SMARCA2: variants seen among roughly 807,000 people sequenced by gnomAD.
The protein encoded by SMARCA2 is SWI/SNF-related matrix-associated actin-dependent regulator of chromatin subfamily A member 2.
In SMARCA2, 61 loss-of-function variants were observed where a neutral mutation model predicts 199.8. The ratio of observed to expected loss-of-function variants is 0.31; its 90% CI spans 0.25 to 0.38. SMARCA2 has a LOEUF of 0.38. Ranked by LOEUF, SMARCA2 falls within the 10% of genes least tolerant of loss-of-function variation. The pLI, the probability that SMARCA2 is intolerant of heterozygous loss-of-function variation, is 1.00. For synonymous variants in SMARCA2, 935 were observed against 732.0 expected (o/e 1.28, Z -4.48); for missense variants, 1,344 against 2,012.2 (o/e 0.67, Z 6.35).
intron 5 of SMARCA2, among the ~76,000 whole-genome samples, chr9:2,054,354 T>A (rs1820254988): frequency 6.6e-6 from 1 of 152,184 alleles, no homozygotes; most frequent in African/African-American, 2.4e-5. Flanking sequence ...CTTTCCCTAG[T>A]GTTAGATAGA....
At chr9:2,139,574 T>C (rs1824369006) in intron 27 of SMARCA2, among the ~76,000 whole-genome samples, 4 of 152,180 alleles carry the variant, frequency 2.6e-5, no homozygotes, top group Admixed American at 2.6e-4. Context: ...GTATATATTT[T>C]TATTTGCTGC....
intron 32 of SMARCA2, among the ~76,000 whole-genome samples, chr9:2,189,508 A>G (rs904309275): frequency 2.6e-5 from 4 of 152,244 alleles, no homozygotes; most frequent in Middle Eastern, 3.4e-3. Flanking sequence ...ATAAATGGAC[A>G]TATTTCACTT....
chr9:2,109,926 G>A (rs563929347), intron 23 of SMARCA2, among the ~76,000 whole-genome samples: 32 of 152,318 alleles, frequency 2.1e-4, no homozygotes, highest in African/African-American at 7.0e-4. Context: ...GAGGAAGTGT[G>A]TGTGTTCTTA....
Position 2,016,790 on chromosome 9 carries a change from C to T in SMARCA2, c.-37+1386C>T, listed in dbSNP as rs575526308. On this transcript the variant is annotated intron_variant, in intron 1 of 33. Coordinates refer to ENST00000349721, the MANE Select transcript of SMARCA2 (RefSeq NM_003070.5). The surrounding 1 kb of genome is among the most constrained non-coding windows in gnomAD (Gnocchi z 5.6). ...GGAGTTTGCTTTATTCCCATCCCAA[C>T]CTGGTTTACCCCTTCCTTTGCTCTC... Among the ~76,000 whole-genome samples, 4 of 152,346 alleles carry T rather than the reference C, an allele frequency of 2.6e-5. No individual in the cohort carries two copies. The South Asian group carries it at 6.2e-4, about 24-fold the overall frequency.
intron 1 of SMARCA2, chr9:2,018,125 A>G (rs898260156): frequency 2.6e-5 from 4 of 152,258 alleles, no homozygotes; most frequent in Non-Finnish European, 5.9e-5. Context: ...CTCCAGCAAT[A>G]AAATAAATAT....
chr9:2,177,196 G>A (rs1200164654), intron 29 of SMARCA2, among the ~76,000 whole-genome samples: 1 of 152,176 alleles, frequency 6.6e-6, no homozygotes, highest in Non-Finnish European at 1.5e-5. Flanking sequence ...CTACTGCCCT[G>A]CAGTGTTGAC....
intron 27 of SMARCA2, among the ~76,000 whole-genome samples, chr9:2,151,850 C>T (rs1478408924): frequency 1.3e-5 from 2 of 152,016 alleles, no homozygotes; most frequent in Non-Finnish European, 2.9e-5. Context: ...GCGCTAGGAA[C>T]AGAAAACCAC....
At chr9:2,090,075 G>C (rs949138976) in intron 19 of SMARCA2, among the ~76,000 whole-genome samples, 4 of 152,036 alleles carry the variant, frequency 2.6e-5, no homozygotes, top group Admixed American at 6.5e-5. Context: ...AAATCCACTA[G>C]AGAAAAATTG....
At chr9:2,077,478 T>C (rs530225056) in intron 13 of SMARCA2, 151 bp from the exon 14 acceptor site, 3 of 657,426 alleles carry the variant, frequency 4.6e-6, no homozygotes, top group South Asian at 4.1e-5. Context: ...GGATTACAGA[T>C]AGTGTATATT....
At chr9:2,070,044 G>A (rs1214163547) in intron 9 of SMARCA2, among the ~76,000 whole-genome samples, 2 of 152,112 alleles carry the variant, frequency 1.3e-5, no homozygotes, top group African/African-American at 4.8e-5. Context: ...CTTGCTTAGG[G>A]GATAGGAAAG....
chr9:2,041,724 G>C (rs1184239515), intron 4 of SMARCA2: 3 of 266,144 alleles, frequency 1.1e-5, no homozygotes, highest in African/African-American at 2.2e-5. Flanking sequence ...TGAGATTTGG[G>C]AACAGGAAAG....
chr9:2,080,732 TG>T (rs1821532017), intron 14 of SMARCA2, among the ~76,000 whole-genome samples: 1 of 152,254 alleles, frequency 6.6e-6, no homozygotes, highest in Non-Finnish European at 1.5e-5. Context: ...AAGTGGCTTA[TG>T]GAAGTATTGC....
intron 27 of SMARCA2, among the ~76,000 whole-genome samples, chr9:2,149,170 G>A (rs1824916097): frequency 6.6e-6 from 1 of 151,260 alleles, no homozygotes; most frequent in African/African-American, 2.4e-5. Context: ...ATGGCAGGAG[G>A]CAAAAGGCAC....
intron 29 of SMARCA2, among the ~76,000 whole-genome samples, chr9:2,172,356 T>A (rs543402593): frequency 6.8e-6 from 1 of 146,642 alleles, no homozygotes; most frequent in Non-Finnish European, 1.5e-5. Flanking sequence ...TGGGAAGGGA[T>A]GGGGCAGGAG....
intron 29 of SMARCA2, among the ~76,000 whole-genome samples, chr9:2,179,440 C>T (rs1468745884): frequency 3.9e-5 from 6 of 152,150 alleles, no homozygotes; most frequent in African/African-American, 1.4e-4. Context: ...ATTTTTTAAA[C>T]AGAATAAATG....
rs1827033458 is a variant in SMARCA2 at position 2,181,689 on chromosome 9, T to C, written c.4359+13T>C. 1 of 1,225,736 alleles carries C rather than the reference T, an allele frequency of 8.2e-7. No individual in the cohort carries two copies. The highest frequency in any genetic ancestry group is 1.7e-5 in the Admixed American group (1 of 59,118). 75.9% of individuals were successfully genotyped at this position (1,225,736 alleles called of 1,614,324 possible). A position where few individuals can be genotyped will look rare whatever the true frequency, so the allele number is the denominator to read the frequency against. Reference sequence around the variant, plus strand: ...CAAAAAAATAAAGGTAGATATTTTGTTTACCAACTTTATTCTTCAAGTAAA... The same window carrying C: ...CAAAAAAATAAAGGTAGATATTTTGCTTACCAACTTTATTCTTCAAGTAAA... On this transcript the variant is annotated intron_variant, in intron 30 of 33. Transcript: ENST00000349721.
chr9:2,135,439 A>G (rs971917949), intron 27 of SMARCA2, among the ~76,000 whole-genome samples: 5 of 152,154 alleles, frequency 3.3e-5, no homozygotes, highest in African/African-American at 1.2e-4. Context: ...GTTGACACCC[A>G]AAATTAACCA....
intron 27 of SMARCA2, among the ~76,000 whole-genome samples, chr9:2,156,339 A>T (rs1825357062): frequency 9.2e-6 from 1 of 108,742 alleles, no homozygotes; most frequent in African/African-American, 2.7e-5. Context: ...GTTGTTCCTT[A>T]ATTTAGATAA....
Position 2,039,320 on chromosome 9 carries a change from T to G in SMARCA2, c.356-146T>G. 1 of 736,382 alleles carries G rather than the reference T, an allele frequency of 1.4e-6. No individual in the cohort carries two copies. The highest frequency in any genetic ancestry group is 2.2e-6 in the Non-Finnish European group (1 of 463,466). 45.6% of individuals were successfully genotyped at this position (736,382 alleles called of 1,614,324 possible). A position where few individuals can be genotyped will look rare whatever the true frequency, so the allele number is the denominator to read the frequency against. ...AAGCACATATTGATATGTAAAGATC[T>G]TAAACTCCATATAATTAATAAATGA... is the stretch of plus-strand genomic sequence containing the variant. On this transcript the variant is annotated intron_variant, in intron 3 of 33. Coordinates refer to ENST00000349721, the MANE Select transcript of SMARCA2 (RefSeq NM_003070.5). This position sits in a 1 kb window ranked among gnomAD's most constrained non-coding sequence, Gnocchi z 4.8.
Sources: allele counts gnomAD v4.1 joint callset (sites outside exome capture counted in the v4.1 genomes callset), GRCh38; gene constraint gnomAD v4.1.1; non-coding constraint Gnocchi (gnomAD v3.1); transcripts MANE v1.5; gene names NCBI Gene and HGNC (gene_info 2026-07-23, HGNC 2026-07-21).